SH2D4B: variants seen among roughly 807,000 people sequenced by gnomAD.
SH2D4B encodes SH2 domain containing 4B, also known as SH2 domain-containing protein 4B.
SH2D4B carries 45 observed loss-of-function variants against 61.5 expected under a neutral mutation model. That is an observed-to-expected ratio of 0.73 (90% CI 0.58 to 0.94). The LOEUF is 0.94. SH2D4B is among the 40% of genes least tolerant of loss of function. SH2D4B has a pLI of 0.00. For synonymous variants in SH2D4B, 224 were observed against 220.4 expected (o/e 1.02, Z -0.14); for missense variants, 572 against 574.2 (o/e 1.00, Z 0.04).
intron 1 of SH2D4B, among the ~76,000 whole-genome samples, chr10:80,556,068 T>C (rs960308155): frequency 1.3e-5 from 2 of 152,148 alleles, no homozygotes; most frequent in Non-Finnish European, 2.9e-5. Flanking sequence ...TATATACATA[T>C]ATGACCTTTC....
At chr10:80,570,359 A>G in intron 2 of SH2D4B, 43 bp downstream of exon 2, 2 of 1,600,796 alleles carry the variant, frequency 1.2e-6, no homozygotes, top group Non-Finnish European at 1.7e-6. Context: ...TAGGCATGGA[A>G]GCTATGCTTA....
intron 1 of SH2D4B, among the ~76,000 whole-genome samples, chr10:80,549,803 C>T (rs571770363): frequency 5.3e-4 from 80 of 152,276 alleles, no homozygotes; most frequent in African/African-American, 1.8e-3. Context: ...TGCACAACCT[C>T]GACTTACCAG....
chr10:80,570,481 A>C (rs937508227), intron 2 of SH2D4B, among the ~76,000 whole-genome samples, 165 bp downstream of exon 2: 2 of 152,202 alleles, frequency 1.3e-5, no homozygotes, highest in African/African-American at 4.8e-5. Flanking sequence ...CGGCCTCCCA[A>C]AGTGTTGGGA....
intron 1 of SH2D4B, among the ~76,000 whole-genome samples, chr10:80,541,822 T>C (rs1247568558): frequency 6.6e-6 from 1 of 152,002 alleles, no homozygotes; most frequent in East Asian, 1.9e-4. Context: ...GAGATCCACA[T>C]TTGGAACCCA....
intron 3 of SH2D4B, 137 bp from the exon 4 acceptor site, chr10:80,588,493 A>T: frequency 9.2e-7 from 1 of 1,090,288 alleles, no homozygotes; most frequent in East Asian, 2.5e-5. Context: ...TCAATTTCAT[A>T]CATGTAGGGA....
intron 4 of SH2D4B, among the ~76,000 whole-genome samples, chr10:80,601,122 C>T (rs1011865928): frequency 2.0e-5 from 3 of 152,102 alleles, no homozygotes; most frequent in Non-Finnish European, 4.4e-5. Flanking sequence ...AGTGGAAGGC[C>T]AGAGAGAGGG....
chr10:80,622,253 A>G (rs185842692), intron 6 of SH2D4B, among the ~76,000 whole-genome samples: 83 of 152,116 alleles, frequency 5.5e-4, no homozygotes, highest in Non-Finnish European at 1.1e-3. Context: ...TAGGCTTCAC[A>G]TGTATCTGTT....
chr10:80,543,106 T>G (rs1464869640), intron 1 of SH2D4B, among the ~76,000 whole-genome samples: 1 of 152,012 alleles, frequency 6.6e-6, no homozygotes, highest in Non-Finnish European at 1.5e-5. Flanking sequence ...GTGCTGGCTG[T>G]CCTCACAGCC....
chr10:80,626,897 A>G (rs1842772903), intron 6 of SH2D4B, among the ~76,000 whole-genome samples: 1 of 152,238 alleles, frequency 6.6e-6, no homozygotes, highest in Admixed American at 6.5e-5. Context: ...ATCTGCCTCC[A>G]CCACTTAATA....
chr10:80,591,155 T>A (rs78649669), intron 4 of SH2D4B, among the ~76,000 whole-genome samples: 3,912 of 151,972 alleles, frequency 0.026, 161 homozygotes, highest in African/African-American at 0.088. Context: ...TTGATGAACA[T>A]TTGGGTTGTT....
At chr10:80,544,326 C>A (rs928023541) in intron 1 of SH2D4B, among the ~76,000 whole-genome samples, 1 of 152,190 alleles carries the variant, frequency 6.6e-6, no homozygotes, top group African/African-American at 2.4e-5. Context: ...AAGGAAGAAA[C>A]TCCGAACACA....
chr10:80,549,619 G>C (rs1447621928), intron 1 of SH2D4B, among the ~76,000 whole-genome samples: 2 of 152,206 alleles, frequency 1.3e-5, no homozygotes, highest in Non-Finnish European at 2.9e-5. Flanking sequence ...AAGTCCACCC[G>C]GCGTGCACAG....
chr10:80,636,360 G>A (rs189103206), intron 7 of SH2D4B, among the ~76,000 whole-genome samples: 36 of 152,270 alleles, frequency 2.4e-4, no homozygotes, highest in Non-Finnish European at 4.1e-4. Flanking sequence ...CTAGATCCCT[G>A]AGGAATCGCC....
intron 7 of SH2D4B, among the ~76,000 whole-genome samples, chr10:80,636,020 T>C (rs1840159161): frequency 2.0e-5 from 3 of 152,182 alleles, no homozygotes; most frequent in Non-Finnish European, 4.4e-5. Flanking sequence ...CATTGTTCAC[T>C]TCCCACCTAT....
chr10:80,578,754 G>A (rs1481034106), intron 3 of SH2D4B, among the ~76,000 whole-genome samples: 5 of 152,176 alleles, frequency 3.3e-5, no homozygotes, highest in African/African-American at 2.4e-5. Context: ...GCAATGATGT[G>A]ATTCAAGTGA....
chr10:80,546,522 C>T (rs976907960), intron 1 of SH2D4B, among the ~76,000 whole-genome samples: 14 of 134,984 alleles, frequency 1.0e-4, no homozygotes, highest in African/African-American at 3.4e-4. Context: ...AAATAGCATA[C>T]GGTATTTTTT....
chr10:80,578,271 T>A (rs1842149442), intron 3 of SH2D4B, among the ~76,000 whole-genome samples: 1 of 152,234 alleles, frequency 6.6e-6, no homozygotes, highest in Non-Finnish European at 1.5e-5. Flanking sequence ...ACAGTAGGGT[T>A]CTAACATTCT....
intron 5 of SH2D4B, among the ~76,000 whole-genome samples, chr10:80,608,009 G>A (rs1406341229): frequency 2.0e-5 from 3 of 152,176 alleles, no homozygotes; most frequent in Admixed American, 6.5e-5. Context: ...CGATTCTCCC[G>A]CCTCAGCCTC....
chr10:80,625,786 C>T (rs2132155737), intron 6 of SH2D4B, among the ~76,000 whole-genome samples: 1 of 151,942 alleles, frequency 6.6e-6, no homozygotes, highest in African/African-American at 2.4e-5. Flanking sequence ...GTTGGCCAGG[C>T]TGGTCTCAAT....
Sources: gnomAD v4.1 joint callset for allele counts (sites outside exome capture counted in the v4.1 genomes callset) on GRCh38, gnomAD v4.1.1 for gene constraint, MANE v1.5 for transcripts, NCBI Gene and HGNC (gene_info 2026-07-23, HGNC 2026-07-21) for gene names.